OR52N4: variants seen among roughly 807,000 people sequenced by gnomAD.
The protein encoded by OR52N4 is olfactory receptor family 52 subfamily N member 4.
Under a neutral mutation model 15.0 loss-of-function variants are expected in OR52N4, and 15 were observed. The ratio of observed to expected loss-of-function variants is 1.00; its 90% CI spans 0.67 to 1.54. The LOEUF is 1.54. Ranked by LOEUF, OR52N4 falls within the 40% of genes most tolerant of loss-of-function variation. The probability of loss-of-function intolerance (pLI) is 0.00; values close to 1 mark genes in which losing one functional copy is unlikely to be tolerated. For synonymous variants in OR52N4, 143 were observed against 143.7 expected (o/e 1.00, Z 0.03); for missense variants, 421 against 394.0 (o/e 1.07, Z -0.58).
chr11:5,755,846 C>T lies in OR52N4; in HGVS notation c.*140C>T. 1.0e-6 allele frequency: 1 copy of T among 992,210 alleles called. No individual in the cohort carries two copies. The highest frequency in any genetic ancestry group is 1.4e-6 in the Non-Finnish European group (1 of 696,044). 61.5% of individuals were successfully genotyped at this position (992,210 alleles called of 1,614,324 possible). On this transcript the variant is annotated 3_prime_UTR_variant, in exon 2 of 2. Transcript: ENST00000641350. Reference sequence around the variant, plus strand: ...TTAACTGGTGCATTCTCAATAAGTACCTTGGGAATCTCAACATCATTGGAA... The same window carrying T: ...TTAACTGGTGCATTCTCAATAAGTATCTTGGGAATCTCAACATCATTGGAA...
chr11:5,744,629 A>C, the OR52N4 span, among the ~76,000 whole-genome samples: 1 of 152,180 alleles, frequency 6.6e-6, no homozygotes, highest in Non-Finnish European at 1.5e-5. Flanking sequence ...TTAAAAACAA[A>C]AGGCTGGGTG....
the OR52N4 span, among the ~76,000 whole-genome samples, chr11:5,740,678 G>C: frequency 8.0e-6 from 1 of 125,588 alleles, no homozygotes; most frequent in African/African-American, 2.9e-5. Context: ...GTGGTGGCGC[G>C]TGCCTATAGT....
At chr11:5,742,975 A>C in the OR52N4 span, among the ~76,000 whole-genome samples, 20,446 of 152,144 alleles carry the variant, frequency 0.13, 1,592 homozygotes, top group African/African-American at 0.22. Context: ...CAATATTCAA[A>C]CATGTGCTGC....
the OR52N4 span, among the ~76,000 whole-genome samples, chr11:5,730,169 C>A: frequency 6.6e-6 from 1 of 150,816 alleles, no homozygotes. Context: ...AAATACCTGT[C>A]ATCAAAGCCA....
At chr11:5,735,738 A>G in the OR52N4 span, among the ~76,000 whole-genome samples, 1 of 152,172 alleles carries the variant, frequency 6.6e-6, no homozygotes, top group East Asian at 1.9e-4. Context: ...TTTAACCATG[A>G]TTTTTGAGCA....
upstream of OR52N4, among the ~76,000 whole-genome samples, chr11:5,752,764 C>A (rs1432304553): frequency 3.3e-5 from 5 of 152,122 alleles, no homozygotes; most frequent in Non-Finnish European, 7.4e-5. Context: ...ATATGACCAG[C>A]AACTAACAGG....
the OR52N4 span, among the ~76,000 whole-genome samples, chr11:5,729,114 A>ATTTTC: frequency 1.2e-5 from 1 of 82,914 alleles, no homozygotes; most frequent in African/African-American, 4.8e-5. Flanking sequence ...TTAAATTGAG[A>ATTTTC]TTTTTTTTTT....
chr11:5,729,528 C>T, the OR52N4 span, among the ~76,000 whole-genome samples: 132 of 152,266 alleles, frequency 8.7e-4, no homozygotes, highest in African/African-American at 3.1e-3. Flanking sequence ...AGCACAGAAA[C>T]CTACAACCCC....
chr11:5,751,437 T>C (rs989323511), upstream of OR52N4, among the ~76,000 whole-genome samples: 5 of 152,044 alleles, frequency 3.3e-5, no homozygotes, highest in Non-Finnish European at 7.4e-5. Flanking sequence ...CTAGTAATCT[T>C]AAGTAAAACT....
upstream of OR52N4, among the ~76,000 whole-genome samples, chr11:5,753,923 G>T (rs149383051): frequency 2.7e-5 from 4 of 150,302 alleles, no homozygotes; most frequent in Non-Finnish European, 5.9e-5. Flanking sequence ...AATCCGGGAG[G>T]TGGAGGTTGC....
Position 5,755,399 on chromosome 11 carries a change from A to G in OR52N4, c.659A>G (p.Tyr220Cys). ...GFDILCITNS[Y>C]TMILRAVVSL... is the part of the protein sequence containing the mutation. ...GACATACTGTGTATCACCAACTCCT[A>G]TACCATGATTCTCCGGGCAGTGGTC... Residue 220 changes from tyrosine to cysteine, a missense_variant, in exon 2 of 2, where the codon TAT (tyrosine) becomes TGT (cysteine). Physicochemically the swap from Tyr to Cys is radical, Grantham distance 194. Transcript: ENST00000641350. The G allele has an allele frequency of 6.2e-7, 1 of 1,613,948 alleles. No homozygotes were observed. The highest frequency in any genetic ancestry group is 1.3e-5 in the African/African-American group (1 of 75,010).
the OR52N4 span, among the ~76,000 whole-genome samples, chr11:5,732,955 G>A: frequency 6.6e-6 from 1 of 152,076 alleles, no homozygotes; most frequent in African/African-American, 2.4e-5. Flanking sequence ...GTGCATGTAT[G>A]AGAAACTTAG....
Position 5,755,644 on chromosome 11 carries a change from A to G in OR52N4, c.904A>G (p.Ile302Val), listed in dbSNP as rs1327106709. The change falls in exon 2 of 2, where the codon ATA becomes GTA. Residue 302 changes from isoleucine to valine, a missense_variant. Transcript: ENST00000641350. ...TGTCTATGGGGTGAAAACCAAACAG[A>G]TACGAGACTGTGTCATAAGGATCCT... The part of the protein sequence containing the change: ...PIVYGVKTKQ[I>V]RDCVIRILSG... 5.0e-6 allele frequency: 8 copies of G among 1,613,624 alleles called. No homozygotes were observed. The highest frequency in any genetic ancestry group is 6.8e-6 in the Non-Finnish European group (8 of 1,179,750).
upstream of OR52N4, among the ~76,000 whole-genome samples, chr11:5,753,064 T>C (rs187526498): frequency 6.6e-6 from 1 of 152,278 alleles, no homozygotes; most frequent in Non-Finnish European, 1.5e-5. Flanking sequence ...CATTTAGGTT[T>C]TTTCCAGTTT....
the OR52N4 span, chr11:5,736,988 G>T: frequency 3.7e-6 from 6 of 1,614,088 alleles, no homozygotes; most frequent in South Asian, 5.5e-5. Flanking sequence ...CCTGTTCATG[G>T]TGCTGAGAAA....
rs868159375 is a variant in OR52N4, at chr11:5,755,245, C to A, written c.505C>A (p.Pro169Thr). The A allele has an allele frequency of 1.9e-6, 3 of 1,614,028 alleles. No individual in the cohort carries two copies. Among genetic ancestry groups the A allele is most frequent in the Non-Finnish European group, 2.5e-6 (3 of 1,179,960 alleles). The change falls in exon 2 of 2, where the codon CCC becomes ACC. Residue 169 changes from proline (P) to threonine (T), a missense_variant. By Grantham distance (38) the Pro-to-Thr change is conservative. Transcript: ENST00000641350. ...CTTTACTTTCCTCACCAAGCTCCTG[C>A]CCTACTGCAGAGGCAATATACTTCC... ...IPFTFLTKLLPYCRGNILPHT... is the reference protein window; with the variant it reads ...IPFTFLTKLLTYCRGNILPHT...
At chr11:5,753,405 T>C (rs188065186), upstream of OR52N4, among the ~76,000 whole-genome samples, 430 of 152,306 alleles carry the variant, frequency 2.8e-3, 3 homozygotes, top group Non-Finnish European at 3.9e-3. Context: ...TTTGTGCCTA[T>C]TTACCTGTTC....
upstream of OR52N4, among the ~76,000 whole-genome samples, chr11:5,751,490 A>T (rs961664310): frequency 1.3e-5 from 2 of 151,990 alleles, no homozygotes; most frequent in East Asian, 3.9e-4. Flanking sequence ...ATACATTCCA[A>T]GTAATATTAG....
the OR52N4 span, among the ~76,000 whole-genome samples, chr11:5,741,355 A>T: frequency 2.0e-5 from 3 of 152,204 alleles, no homozygotes; most frequent in Non-Finnish European, 2.9e-5. Flanking sequence ...CCTGGTCAGA[A>T]TTCCTGGAGA....
Sources: allele counts gnomAD v4.1 joint callset (sites outside exome capture counted in the v4.1 genomes callset), GRCh38; gene constraint gnomAD v4.1.1; transcripts MANE v1.5; gene names NCBI Gene and HGNC (gene_info 2026-07-23, HGNC 2026-07-21).